FRMD3: variants seen among roughly 807,000 people sequenced by gnomAD.
FRMD3 encodes the protein FERM domain containing 3, also known as FERM domain-containing protein 3.
In FRMD3, 33 loss-of-function variants were observed where a neutral mutation model predicts 70.2. That is an observed-to-expected ratio of 0.47 (90% CI 0.36 to 0.63). The LOEUF (loss-of-function observed/expected upper bound fraction) is 0.63, where lower values mean the gene tolerates loss of function less well. Ranked by LOEUF, FRMD3 falls within the 20% of genes least tolerant of loss-of-function variation. The probability of loss-of-function intolerance (pLI) is 0.00; values close to 1 mark genes in which losing one functional copy is unlikely to be tolerated. For missense variants in FRMD3, 632 were observed against 711.4 expected (o/e 0.89, Z 1.27); for synonymous variants, 279 against 255.9 (o/e 1.09, Z -0.86).
At chr9:83,388,514 C>G (rs1202837972) in intron 2 of FRMD3, among the ~76,000 whole-genome samples, 1 of 152,174 alleles carries the variant, frequency 6.6e-6, no homozygotes, top group Non-Finnish European at 1.5e-5. Context: ...GGGACCCACC[C>G]CATGAGCCAG....
chr9:83,372,553 C>T (rs1825009608), intron 3 of FRMD3, among the ~76,000 whole-genome samples: 1 of 152,110 alleles, frequency 6.6e-6, no homozygotes, highest in Non-Finnish European at 1.5e-5. Flanking sequence ...TAATACTGCA[C>T]CCCCTCCCAC....
intron 1 of FRMD3, among the ~76,000 whole-genome samples, chr9:83,404,168 C>A (rs1326326668): frequency 6.6e-6 from 1 of 152,162 alleles, no homozygotes; most frequent in Non-Finnish European, 1.5e-5. Flanking sequence ...CCCCGGCTAT[C>A]ACACCTACCC....
At chr9:83,417,730 A>C (rs1313879730) in intron 1 of FRMD3, among the ~76,000 whole-genome samples, 1 of 152,230 alleles carries the variant, frequency 6.6e-6, no homozygotes, top group East Asian at 1.9e-4. Context: ...GAAAGTGCAT[A>C]AATTATTTTA....
At chr9:83,540,245 G>T (rs958366138), upstream of FRMD3, among the ~76,000 whole-genome samples, 5 of 152,196 alleles carry the variant, frequency 3.3e-5, no homozygotes, top group Non-Finnish European at 7.3e-5. Context: ...AGAGATCAAA[G>T]AAAAGTCACC....
At chr9:83,272,218 C>G (rs546389877) in intron 13 of FRMD3, among the ~76,000 whole-genome samples, 55 of 152,238 alleles carry the variant, frequency 3.6e-4, no homozygotes, top group African/African-American at 1.3e-3. Context: ...ATTCTCCTGC[C>G]TCAGCCTGCC....
At chr9:83,463,899 G>A (rs1176176111) in intron 1 of FRMD3, among the ~76,000 whole-genome samples, 1 of 152,190 alleles carries the variant, frequency 6.6e-6, no homozygotes, top group Non-Finnish European at 1.5e-5. Flanking sequence ...CATCTGACAT[G>A]TAGACACCTC....
At chr9:83,402,898 C>CTTTTTTTTTTTTTT (rs559570925) in intron 1 of FRMD3, among the ~76,000 whole-genome samples, 28 of 87,288 alleles carry the variant, frequency 3.2e-4, no homozygotes, top group African/African-American at 6.2e-4. Context: ...TTCTTTCTTT[C>CTTTTTTTTTTTTTT]TTTTTTTTTT....
In FRMD3 at chr9:83,538,361, G is replaced by C. The variant is rs893991685; in HGVS notation, c.-130C>G. ...TCAGCCCCGGGACATCGGCAGCGTC[G>C]GGCGCCTGCGGACACACATGCCCAG... On this transcript the variant is annotated 5_prime_UTR_variant, in exon 1 of 14. Coordinates refer to ENST00000304195, the MANE Select transcript of FRMD3 (RefSeq NM_174938.6). The surrounding 1 kb of genome is among the most constrained non-coding windows in gnomAD (Gnocchi z 4.7). The C allele has an allele frequency of 4.3e-5, 35 of 808,190 alleles. No homozygotes were observed. The highest frequency in any genetic ancestry group is 4.7e-5 in the Non-Finnish European group (28 of 601,648). The allele number at this position is 808,190 out of a possible 1,614,324, so 50.1% of individuals were successfully genotyped here.
intron 12 of FRMD3, 24 bp from the exon 13 acceptor site, chr9:83,290,751 A>G (rs942283): frequency 0.62 from 973,598 of 1,582,842 alleles, 304,829 homozygotes; most frequent in South Asian, 0.79. Context: ...CAAGCCAGAC[A>G]GAGTTGGTTT....
At chr9:83,454,931 G>A (rs2131424358) in intron 1 of FRMD3, among the ~76,000 whole-genome samples, 1 of 151,564 alleles carries the variant, frequency 6.6e-6, no homozygotes, top group Non-Finnish European at 1.5e-5. Flanking sequence ...ACCATACTCA[G>A]GCTTAGGCAT....
intron 3 of FRMD3, among the ~76,000 whole-genome samples, chr9:83,369,377 A>C (rs1587782103): frequency 6.6e-6 from 1 of 152,102 alleles, no homozygotes; most frequent in Non-Finnish European, 1.5e-5. Flanking sequence ...GGAGTTCAAG[A>C]CCAGCCTGGC....
rs529506525 is a variant in FRMD3 at position 83,307,810 on chromosome 9, A to G, written c.926+1726T>C. Among the ~76,000 whole-genome samples, 21 of 152,358 alleles carry G rather than the reference A, an allele frequency of 1.4e-4. No homozygotes were observed. The East Asian group carries it at 4.0e-3, about 29-fold the overall frequency. ...AAAGGGTAAATTTTACGGCATGTAA[A>G]TTAGATTTCCATTTAAAAAATTTTT... On this transcript the variant is annotated intron_variant, in intron 10 of 13. Coordinates refer to ENST00000304195, the MANE Select transcript of FRMD3 (RefSeq NM_174938.6).
At chr9:83,494,913 G>A (rs1828908650) in intron 1 of FRMD3, among the ~76,000 whole-genome samples, 1 of 151,554 alleles carries the variant, frequency 6.6e-6, no homozygotes, top group Non-Finnish European at 1.5e-5. Flanking sequence ...TCATATCATT[G>A]TATACACAGT....
At chr9:83,257,638 C>T (rs921374996) in intron 13 of FRMD3, among the ~76,000 whole-genome samples, 6 of 150,090 alleles carry the variant, frequency 4.0e-5, no homozygotes, top group Admixed American at 3.3e-4. Flanking sequence ...TAATTAAAGC[C>T]AAACTTCTCT....
At chr9:83,347,654 T>A (rs1405489213) in intron 4 of FRMD3, among the ~76,000 whole-genome samples, 8 of 152,236 alleles carry the variant, frequency 5.3e-5, no homozygotes, top group African/African-American at 1.9e-4. Context: ...TAACATTTCT[T>A]TACTCTTAAG....
chr9:83,509,307 G>C (rs1235916887), intron 1 of FRMD3, among the ~76,000 whole-genome samples: 1 of 152,140 alleles, frequency 6.6e-6, no homozygotes, highest in Non-Finnish European at 1.5e-5. Flanking sequence ...GCCACATCTA[G>C]AAGACTTTTT....
chr9:83,400,500 C>T (rs895839681), intron 1 of FRMD3, among the ~76,000 whole-genome samples: 1 of 152,158 alleles, frequency 6.6e-6, no homozygotes, highest in Non-Finnish European at 1.5e-5. Context: ...TCAATGCAAG[C>T]TCCATCAAAA....
chr9:83,552,557 C>T, the FRMD3 span, among the ~76,000 whole-genome samples: 1 of 152,108 alleles, frequency 6.6e-6, no homozygotes, highest in South Asian at 2.1e-4. Context: ...CTAATACTGT[C>T]AGTGGAGTGT....
chr9:83,538,300 C>A lies in FRMD3; in HGVS notation c.-69G>T. 1 of 1,478,508 alleles carries A rather than the reference C, an allele frequency of 6.8e-7. No homozygotes were observed. The highest frequency in any genetic ancestry group is 2.3e-4 in the Middle Eastern group (1 of 4,418). 91.6% of individuals were successfully genotyped at this position (1,478,508 alleles called of 1,614,324 possible). ...CGGTGCTCGCCTGCGCGGACACACA[C>A]GCTCGCACGCACTGTCCGGGACACC... On this transcript the variant is annotated 5_prime_UTR_variant, in exon 1 of 14. Coordinates refer to ENST00000304195, the MANE Select transcript of FRMD3 (RefSeq NM_174938.6). This position sits in a 1 kb window ranked among gnomAD's most constrained non-coding sequence, Gnocchi z 4.7.
Sources: gnomAD v4.1 joint callset for allele counts (sites outside exome capture counted in the v4.1 genomes callset) on GRCh38, gnomAD v4.1.1 for gene constraint, Gnocchi (gnomAD v3.1) non-coding constraint, MANE v1.5 for transcripts, NCBI Gene and HGNC (gene_info 2026-07-23, HGNC 2026-07-21) for gene names.